Variants in SASH1 observed in about 807,000 individuals in gnomAD.
The protein encoded by SASH1 is SAM and SH3 domain-containing protein 1.
Under a neutral mutation model 125.2 loss-of-function variants are expected in SASH1, and 44 were observed. The ratio of observed to expected loss-of-function variants is 0.35; its 90% CI spans 0.28 to 0.45. SASH1 has a LOEUF of 0.45. Among genes scored for constraint, SASH1 ranks in the 20% least tolerant of loss-of-function variants. The pLI is 1.00. For synonymous variants in SASH1, 639 were observed against 649.1 expected, an observed-to-expected ratio of 0.98 and a Z score of 0.24; for missense variants, 1,426 against 1,614.5, an observed-to-expected ratio of 0.88 and a Z score of 2.00.
At chr6:148,418,343 A>C (rs1466669926) in intron 2 of SASH1, among the ~76,000 whole-genome samples, 1 of 152,218 alleles carries the variant, frequency 6.6e-6, no homozygotes, top group African/African-American at 2.4e-5. Context: ...ATGGCAGTCT[A>C]CGTGATCCCT....
At chr6:148,304,334 C>A (rs148743402) in intron 1 of SASH1, among the ~76,000 whole-genome samples, 4 of 151,810 alleles carry the variant, frequency 2.6e-5, no homozygotes, top group Non-Finnish European at 5.9e-5. Context: ...ACTCAGGAGG[C>A]TGAGGCAGGA....
chr6:148,489,664 G>A (rs1435503588), intron 8 of SASH1, among the ~76,000 whole-genome samples: 1 of 152,004 alleles, frequency 6.6e-6, no homozygotes. Flanking sequence ...GCAGTTTTCA[G>A]TATATAAGTC....
intron 9 of SASH1, among the ~76,000 whole-genome samples, chr6:148,518,548 G>A (rs62432353): frequency 0.024 from 3,682 of 151,980 alleles, 68 homozygotes; most frequent in Non-Finnish European, 0.037. Flanking sequence ...TGGCGCCCTC[G>A]TCCCAGCTGG....
At chr6:148,334,288 C>T (rs1292005375) in intron 1 of SASH1, among the ~76,000 whole-genome samples, 1 of 147,290 alleles carries the variant, frequency 6.8e-6, no homozygotes, top group Non-Finnish European at 1.5e-5. Flanking sequence ...ATTAGCCGGG[C>T]GTGATGGCGG....
rs150056851 is a variant in SASH1, at chr6:148,533,987, C to T, written c.1944+7C>T. On this transcript the variant is annotated splice_region_variant and intron_variant, in intron 15 of 19. Coordinates refer to ENST00000367467, the MANE Select transcript of SASH1 (RefSeq NM_015278.5). The surrounding 1 kb of genome is among the most constrained non-coding windows in gnomAD (Gnocchi z 6.2). ...GGATCGGATTAACCTAAAAGTCAGT[C>T]GCTTCTGATTCTTGTCACACGCTAC... The T allele has an allele frequency of 5.6e-6, 9 of 1,612,802 alleles. No individual in the cohort carries two copies. Among genetic ancestry groups the T allele is most frequent in the South Asian group, 2.2e-5 (2 of 90,952 alleles).
At chr6:148,295,228 G>A (rs1326493075) in intron 1 of SASH1, among the ~76,000 whole-genome samples, 1 of 152,062 alleles carries the variant, frequency 6.6e-6, no homozygotes, top group East Asian at 1.9e-4. Flanking sequence ...AGCTTTGGGG[G>A]AAAAATAACC....
chr6:148,394,895 C>T (rs936597632), intron 2 of SASH1, among the ~76,000 whole-genome samples: 5 of 152,106 alleles, frequency 3.3e-5, no homozygotes, highest in Non-Finnish European at 7.4e-5. Context: ...CTACCTGCCT[C>T]GGCCTCCCAA....
intron 8 of SASH1, among the ~76,000 whole-genome samples, chr6:148,490,030 A>AAC (rs1779037259): frequency 3.5e-5 from 5 of 143,968 alleles, no homozygotes; most frequent in Non-Finnish European, 7.6e-5. Context: ...AAAAAAAAAA[A>AAC]AAACAAGAAA....
chr6:148,393,599 G>C (rs565062379), intron 2 of SASH1: 2 of 640,280 alleles, frequency 3.1e-6, no homozygotes, highest in East Asian at 1.4e-4. Context: ...TCTGCCCATC[G>C]GTGGGATTTA....
the SASH1 span, among the ~76,000 whole-genome samples, chr6:148,239,155 C>T: frequency 1.4e-4 from 22 of 152,154 alleles, no homozygotes; most frequent in African/African-American, 2.9e-4. Context: ...ACTGATTCTA[C>T]GTACATTTGT....
At chr6:148,341,704 C>T (rs943341155), upstream of SASH1, among the ~76,000 whole-genome samples, 1 of 151,920 alleles carries the variant, frequency 6.6e-6, no homozygotes, top group Non-Finnish European at 1.5e-5. Flanking sequence ...CAAAAAAAAC[C>T]CCACAATCAA....
the SASH1 span, among the ~76,000 whole-genome samples, chr6:148,216,873 G>A: frequency 2.0e-5 from 3 of 152,154 alleles, no homozygotes; most frequent in South Asian, 6.2e-4. Context: ...TGGAATTACA[G>A]GTGCTCACCA....
intron 2 of SASH1, among the ~76,000 whole-genome samples, chr6:148,395,370 G>A (rs1783907258): frequency 6.6e-6 from 1 of 152,148 alleles, no homozygotes; most frequent in African/African-American, 2.4e-5. Context: ...ACTTAACCCT[G>A]AAAAATAAAA....
chr6:148,510,742 T>C (rs745918402), intron 8 of SASH1, among the ~76,000 whole-genome samples: 3 of 152,046 alleles, frequency 2.0e-5, no homozygotes, highest in Non-Finnish European at 4.4e-5. Flanking sequence ...ATGCCTGTAA[T>C]CCCAGCACTT....
chr6:148,543,577 G>C, intron 17 of SASH1, 103 bp from the exon 18 acceptor site: 1 of 924,930 alleles, frequency 1.1e-6, no homozygotes. Context: ...TGAACAATAG[G>C]ATGTGGGTGT....
intron 4 of SASH1, among the ~76,000 whole-genome samples, chr6:148,465,549 A>G (rs906772960): frequency 1.6e-4 from 17 of 103,224 alleles, no homozygotes; most frequent in Non-Finnish European, 2.4e-4. Context: ...TCTCCAGGAG[A>G]AAAAAAAAAA....
chr6:148,329,185 A>G (rs1780919374), intron 1 of SASH1, among the ~76,000 whole-genome samples: 1 of 152,216 alleles, frequency 6.6e-6, no homozygotes, highest in African/African-American at 2.4e-5. Flanking sequence ...ATTTTTGAGA[A>G]CATTCATTAG....
chr6:148,352,785 A>G (rs1156559092), intron 1 of SASH1, among the ~76,000 whole-genome samples: 2 of 151,910 alleles, frequency 1.3e-5, no homozygotes, highest in South Asian at 2.1e-4. Context: ...CCTGGCCAAC[A>G]TGGCGAAACC....
chr6:148,317,908 G>A (rs1780523391), intron 1 of SASH1, among the ~76,000 whole-genome samples: 1 of 152,196 alleles, frequency 6.6e-6, no homozygotes, highest in Admixed American at 6.5e-5. Flanking sequence ...ACTATCATAA[G>A]TTATGTGAAA....
Sources: allele counts gnomAD v4.1 joint callset (sites outside exome capture counted in the v4.1 genomes callset), GRCh38; gene constraint gnomAD v4.1.1; non-coding constraint Gnocchi (gnomAD v3.1); transcripts MANE v1.5; gene names NCBI Gene and HGNC (gene_info 2026-07-23, HGNC 2026-07-21).